NAB1: variants seen among roughly 807,000 people sequenced by gnomAD.
NAB1 encodes NGFI-A binding protein 1, also known as NGFI-A-binding protein 1.
NAB1 carries 25 observed loss-of-function variants against 49.9 expected under a neutral mutation model. That is an observed-to-expected ratio of 0.50 (90% CI 0.37 to 0.70). The LOEUF (loss-of-function observed/expected upper bound fraction) is 0.70. Among genes scored for constraint, NAB1 ranks in the 30% least tolerant of loss-of-function variants. The pLI, the probability that NAB1 is intolerant of heterozygous loss-of-function variation, is 0.00. For synonymous variants in NAB1, 198 were observed against 215.6 expected, an observed-to-expected ratio of 0.92 and a Z score of 0.71; for missense variants, 489 against 575.9, an observed-to-expected ratio of 0.85 and a Z score of 1.54.
At chr2:190,650,144 C>G (rs952314823) in intron 2 of NAB1, among the ~76,000 whole-genome samples, 162 bp downstream of exon 2, 3 of 152,166 alleles carry the variant, frequency 2.0e-5, no homozygotes, top group Non-Finnish European at 2.9e-5. Flanking sequence ...ATGGAATATA[C>G]ATTTGTCGAT....
Position 190,674,779 on chromosome 2 carries a change from G to T in NAB1, c.1005+1627G>T, listed in dbSNP as rs558041973. On this transcript the variant is annotated intron_variant, in intron 6 of 9. Transcript: ENST00000337386. The surrounding 1 kb of genome is among the most constrained non-coding windows in gnomAD (Gnocchi z 5.7). ...AAAAAAAGAAATGTGGGCTGGGTAT[G>T]GTGGCTCACACCTATAATCCCAACA... is the stretch of plus-strand genomic sequence containing the variant. Among the ~76,000 whole-genome samples, 1 of 152,176 alleles carries T rather than the reference G, an allele frequency of 6.6e-6. No individual in the cohort carries two copies. Among genetic ancestry groups the T allele is most frequent in the African/African-American group, 2.4e-5 (1 of 41,446 alleles).
chr2:190,664,586 C>CTTTTTTTTTTTTTTTTTTTT lies in NAB1; in HGVS notation c.819+4600_819+4619dup, dbSNP rs71027237. Among the ~76,000 whole-genome samples, 6 of 61,092 alleles carry CTTTTTTTTTTTTTTTTTTTT rather than the reference C, an allele frequency of 9.8e-5. 1 individual carries two copies. The highest frequency in any genetic ancestry group is 5.4e-4 in the Admixed American group (2 of 3,698). The allele number at this position is 61,092 out of a possible 152,430, so 40.1% of individuals were successfully genotyped here. A position where few individuals can be genotyped will look rare whatever the true frequency, so the allele number is the denominator to read the frequency against. Reference sequence around the variant, plus strand: ...TCTTCCTCTCTTTCTTTCTTCTTTCCTTTTTTTTTTTTTTTTTTTTTTTTT... The same window carrying CTTTTTTTTTTTTTTTTTTTT: ...TCTTCCTCTCTTTCTTTCTTCTTTCCTTTTTTTTTTTTTTTTTTTTTTTTTTTTTTTTTTTTTTTTTTTTT... On this transcript the variant is annotated intron_variant, in intron 4 of 9. Coordinates refer to ENST00000337386, the MANE Select transcript of NAB1 (RefSeq NM_005966.4).
rs772152246 is a variant in NAB1 at position 190,659,314 on chromosome 2, A to G, written c.138A>G (p.Glu46=). The G allele has an allele frequency of 1.9e-6, 3 of 1,614,148 alleles. No individual in the cohort carries two copies. Among genetic ancestry groups the G allele is most frequent in the South Asian group, 2.2e-5 (2 of 91,088 alleles). Residue 46 remains glutamate, a synonymous_variant, in exon 4 of 10, where the codon GAA becomes GAG. Coordinates refer to ENST00000337386, the MANE Select transcript of NAB1 (RefSeq NM_005966.4). This position sits in a 1 kb window ranked among gnomAD's most constrained non-coding sequence, Gnocchi z 6.2. The part of the protein sequence containing the change: ...DDVQQLCEAG[E]EEFLEIMALV... ...TCCAGCAACTCTGTGAAGCAGGAGA[A>G]GAGGAGTTTTTGGAAATCATGGCAC...
rs2125626221 is a variant in NAB1, at chr2:190,660,616, T to A, written c.819+621T>A. 1.3e-5 allele frequency among the ~76,000 whole-genome samples: 2 copies of A among 152,354 alleles called. 1 individual carries two copies. The highest frequency in any genetic ancestry group is 4.1e-4 in the South Asian group (2 of 4,830). On this transcript the variant is annotated intron_variant, in intron 4 of 9. Transcript: ENST00000337386. The stretch of plus-strand genomic sequence containing the variant: ...TATACTTCACGTGTGTGTATAAACT[T>A]TGGCATTTACTCCTTTTCTTGTCTA...
In NAB1 at chr2:190,674,380, C is replaced by T. The variant is rs1316733201; in HGVS notation, c.1005+1228C>T. Among the ~76,000 whole-genome samples the T allele has an allele frequency of 6.6e-6, 1 of 152,176 alleles. No homozygotes were observed. The highest frequency in any genetic ancestry group is 2.4e-5 in the African/African-American group (1 of 41,446). On this transcript the variant is annotated intron_variant, in intron 6 of 9. Coordinates refer to ENST00000337386, the MANE Select transcript of NAB1 (RefSeq NM_005966.4). This position sits in a 1 kb window ranked among gnomAD's most constrained non-coding sequence, Gnocchi z 5.7. Reference sequence around the variant, plus strand: ...CCTAGACTTCTGTTTCTTTAGATGGCTTCAAGTCACAGCCGAGTTTCCCCT... The same window carrying T: ...CCTAGACTTCTGTTTCTTTAGATGGTTTCAAGTCACAGCCGAGTTTCCCCT...
rs1399431039 is a variant in NAB1 at position 190,669,210 on chromosome 2, G to T, written c.820-1116G>T. On this transcript the variant is annotated intron_variant, in intron 4 of 9. Transcript: ENST00000337386. This position sits in a 1 kb window ranked among gnomAD's most constrained non-coding sequence, Gnocchi z 4.3. Reference sequence around the variant, plus strand: ...TTTAAAACTTATGAATTGTTTATTTGTATAATTTTTCATTTAATATTTTTG... The same window carrying T: ...TTTAAAACTTATGAATTGTTTATTTTTATAATTTTTCATTTAATATTTTTG... Among the ~76,000 whole-genome samples, 2 of 152,184 alleles carry T rather than the reference G, an allele frequency of 1.3e-5. No homozygotes were observed. Among genetic ancestry groups the T allele is most frequent in the Non-Finnish European group, 2.9e-5 (2 of 68,034 alleles).
At chr2:190,673,747 T>C (rs1694937264) in intron 6 of NAB1, among the ~76,000 whole-genome samples, 1 of 152,234 alleles carries the variant, frequency 6.6e-6, no homozygotes, top group Non-Finnish European at 1.5e-5. Context: ...CTAAAGCCTC[T>C]TTTAGAGTGT....
rs1429435888 is a variant in NAB1 at position 190,685,512 on chromosome 2, C to T, written c.1132C>T (p.Leu378Phe). The T allele has an allele frequency of 3.1e-6, 5 of 1,613,236 alleles. No homozygotes were observed. In the East Asian group the frequency reaches 1.1e-4, roughly 36 times the overall value. Residue 378 changes from leucine (L) to phenylalanine (F), a missense_variant, in exon 8 of 10, where the codon CTT becomes TTT. Around this residue, in one of 4 missense-constraint regions of NAB1, gnomAD observed 212 missense variants for 199.3 expected, o/e 1.06. Coordinates refer to ENST00000337386, the MANE Select transcript of NAB1 (RefSeq NM_005966.4). This position sits in a 1 kb window ranked among gnomAD's most constrained non-coding sequence, Gnocchi z 4.5. ...GGTGATGGCAAAGCAGATGGAGTTC[C>T]TTTGCAACCAAGCTGGCTATGAGAG... is the stretch of plus-strand genomic sequence containing the variant. ...EKVMAKQMEF[L>F]CNQAGYERLQ...
Position 190,656,037 on chromosome 2 carries a change from T to G in NAB1, c.-136T>G, listed in dbSNP as rs928069388. On this transcript the variant is annotated 5_prime_UTR_variant, in exon 3 of 10. The change creates a new upstream start codon in the 5' untranslated region. Transcript: ENST00000337386. ...AGTGGAAGTGGAAGTTGCTGTACAT[T>G]GGCAGCAAGGCCTCCGAGTTAGCTT... 1.3e-5 allele frequency: 2 copies of G among 152,246 alleles called. No homozygotes were observed. Among genetic ancestry groups the G allele is most frequent in the African/African-American group, 4.8e-5 (2 of 41,464 alleles). The allele number at this position is 152,246 out of a possible 1,614,324, so 9.4% of individuals were successfully genotyped here.
chr2:190,659,136 CTTTTTTTTT>C lies in NAB1; in HGVS notation c.-19-14_-19-6del. ...TTGAAGCAAGTATGATGAGTTTTTA[CTTTTTTTTT>C]TTTTTTTGGCAGGTTAAACCCATCC... On this transcript the variant is annotated splice_polypyrimidine_tract_variant and intron_variant, in intron 3 of 9. Transcript: ENST00000337386. The surrounding 1 kb of genome is among the most constrained non-coding windows in gnomAD (Gnocchi z 6.2). The C allele has an allele frequency of 8.4e-7, 1 of 1,190,340 alleles. No homozygotes were observed. The highest frequency in any genetic ancestry group is 1.1e-6 in the Non-Finnish European group (1 of 869,832). The allele number at this position is 1,190,340 out of a possible 1,614,324, so 73.7% of individuals were successfully genotyped here.
chr2:190,670,537 T>C lies in NAB1; in HGVS notation c.953+78T>C. The C allele has an allele frequency of 2.8e-6, 4 of 1,430,118 alleles. No homozygotes were observed. Among genetic ancestry groups the C allele is most frequent in the Non-Finnish European group, 3.8e-6 (4 of 1,042,124 alleles). The allele number at this position is 1,430,118 out of a possible 1,614,324, so 88.6% of individuals were successfully genotyped here. A position where few individuals can be genotyped will look rare whatever the true frequency, so the allele number is the denominator to read the frequency against. ...TTCGAAACATCATCTATTGATAGAA[T>C]ATAAGCATTTCTGAAAAAGTGGAAG... On this transcript the variant is annotated intron_variant, in intron 5 of 9. Transcript: ENST00000337386. This position sits in a 1 kb window ranked among gnomAD's most constrained non-coding sequence, Gnocchi z 5.3.
At chr2:190,658,792 C>T (rs147430098) in intron 3 of NAB1, among the ~76,000 whole-genome samples, 1 of 152,234 alleles carries the variant, frequency 6.6e-6, no homozygotes, top group African/African-American at 2.4e-5. Flanking sequence ...TTAGCATACT[C>T]TGCTTCTTAC....
At chr2:190,668,462 C>T (rs1179467749) in intron 4 of NAB1, among the ~76,000 whole-genome samples, 5 of 151,964 alleles carry the variant, frequency 3.3e-5, no homozygotes, top group African/African-American at 7.3e-5. Flanking sequence ...TCAATTCATT[C>T]GTCAGTCAAC....
At position 190,659,524 on chromosome 2, in the gene NAB1, G is replaced by A. The variant is rs890860106; in HGVS notation, c.348G>A (p.Arg116=). 3.1e-6 allele frequency: 5 copies of A among 1,614,082 alleles called. No individual in the cohort carries two copies. In the African/African-American group the frequency reaches 6.7e-5, roughly 22 times the overall value. ...WLGISCSSYE[R]SSNAREPHLK... Reference sequence around the variant, plus strand: ...GAATATCCTGCAGTAGTTATGAAAGGAGTAGCAATGCCCGGGAACCTCATT... The same window carrying A: ...GAATATCCTGCAGTAGTTATGAAAGAAGTAGCAATGCCCGGGAACCTCATT... Residue 116 remains arginine (R), a synonymous_variant, in exon 4 of 10, where the codon AGG becomes AGA. Transcript: ENST00000337386. This position sits in a 1 kb window ranked among gnomAD's most constrained non-coding sequence, Gnocchi z 6.2.
chr2:190,652,254 C>T lies in NAB1; in HGVS notation c.-197+2272C>T, dbSNP rs1223063828. Among the ~76,000 whole-genome samples the T allele has an allele frequency of 6.6e-6, 1 of 152,076 alleles. No individual in the cohort carries two copies. Among genetic ancestry groups the T allele is most frequent in the Non-Finnish European group, 1.5e-5 (1 of 68,016 alleles). ...ATTTAGGGGGTGACCCATTAATTTG[C>T]ATGGTATATTAATTTAATGATTTTT... is the stretch of plus-strand genomic sequence containing the variant. On this transcript the variant is annotated intron_variant, in intron 2 of 9. Transcript: ENST00000337386. This position sits in a 1 kb window ranked among gnomAD's most constrained non-coding sequence, Gnocchi z 4.2.
chr2:190,690,004 G>GTATATGTC (rs1461502735), intron 9 of NAB1, among the ~76,000 whole-genome samples: 207 of 1,506 alleles, frequency 0.14, no homozygotes, highest in Middle Eastern at 0.33. Flanking sequence ...GCCCAGAGAT[G>GTATATGTC]TATACATCTA....
Position 190,685,582 on chromosome 2 carries a change from A to G in NAB1, c.1202A>G (p.Gln401Arg). Residue 401 changes from glutamine (Q) to arginine (R), a missense_variant, in exon 8 of 10, where the codon CAG becomes CGG. Gln to Arg is a conservative substitution (Grantham distance 43, BLOSUM62 1). Coordinates refer to ENST00000337386, the MANE Select transcript of NAB1 (RefSeq NM_005966.4). This position sits in a 1 kb window ranked among gnomAD's most constrained non-coding sequence, Gnocchi z 4.5. The stretch of plus-strand genomic sequence containing the variant: ...AGGTTGTCTGCAGGGCTTTACAGGC[A>G]GAGCTCAGAAGAGCACAGTCCTAAC... ...ERRLSAGLYR[Q>R]SSEEHSPNGL... The G allele has an allele frequency of 6.2e-7, 1 of 1,614,120 alleles. No homozygotes were observed. Among genetic ancestry groups the G allele is most frequent in the Non-Finnish European group, 8.5e-7 (1 of 1,180,004 alleles).
Position 190,670,876 on chromosome 2 carries a change from A to G in NAB1, c.953+417A>G, listed in dbSNP as rs370247968. Among the ~76,000 whole-genome samples the G allele has an allele frequency of 6.6e-6, 1 of 151,758 alleles. No homozygotes were observed. The highest frequency in any genetic ancestry group is 1.5e-5 in the Non-Finnish European group (1 of 67,952). On this transcript the variant is annotated intron_variant, in intron 5 of 9. Transcript: ENST00000337386. This position sits in a 1 kb window ranked among gnomAD's most constrained non-coding sequence, Gnocchi z 5.3. ...TTGAATCTGATGAGATTAGCTGAAT[A>G]TGTAAAACGACTCTATTGACTAGTA...
chr2:190,685,405 T>A lies in NAB1; in HGVS notation c.1096-71T>A. On this transcript the variant is annotated intron_variant, in intron 7 of 9. Coordinates refer to ENST00000337386, the MANE Select transcript of NAB1 (RefSeq NM_005966.4). This position sits in a 1 kb window ranked among gnomAD's most constrained non-coding sequence, Gnocchi z 4.5. ...TAAATATATTTGCTGGAGTCTGAAA[T>A]TGGCATCTTTAAACCATTAAAAAAT... 1 of 1,355,876 alleles carries A rather than the reference T, an allele frequency of 7.4e-7. No individual in the cohort carries two copies. Among genetic ancestry groups the A allele is most frequent in the Non-Finnish European group, 9.9e-7 (1 of 1,008,530 alleles). The allele number at this position is 1,355,876 out of a possible 1,614,324, so 84.0% of individuals were successfully genotyped here.
Sources: gnomAD v4.1 joint callset for allele counts (sites outside exome capture counted in the v4.1 genomes callset) on GRCh38, gnomAD v4.1.1 for gene constraint, gnomAD v4.1.1 regional missense constraint, Gnocchi (gnomAD v3.1) non-coding constraint, MANE v1.5 for transcripts, NCBI Gene and HGNC (gene_info 2026-07-23, HGNC 2026-07-21) for gene names.